COL23A1: variants seen among roughly 807,000 people sequenced by gnomAD.
The protein encoded by COL23A1 is collagen type XXIII alpha 1 chain, also known as collagen alpha-1(XXIII) chain.
Under a neutral mutation model 99.3 loss-of-function variants are expected in COL23A1, and 97 were observed. That is an observed-to-expected ratio of 0.98 (90% CI 0.83 to 1.16). The LOEUF is 1.16. Ranked by LOEUF, COL23A1 falls within the 50% of genes most tolerant of loss-of-function variation. The pLI, the probability that COL23A1 is intolerant of heterozygous loss-of-function variation, is 0.00. For missense variants in COL23A1, 762 were observed against 757.4 expected, an observed-to-expected ratio of 1.01 and a Z score of -0.07; for synonymous variants, 320 against 308.2, an observed-to-expected ratio of 1.04 and a Z score of -0.40.
chr5:178,256,846 G>A lies in COL23A1; in HGVS notation c.837+20C>T. 6.2e-7 allele frequency: 1 copy of A among 1,610,028 alleles called. No homozygotes were observed. The highest frequency in any genetic ancestry group is 8.5e-7 in the Non-Finnish European group (1 of 1,178,146). ...CTGAGCGGGGCCCGCAGGCGCCAGA[G>A]CAGAGAGCTCTCATGTCACCTTCGG... On this transcript the variant is annotated intron_variant, in intron 14 of 28. Coordinates refer to ENST00000390654, the MANE Select transcript of COL23A1 (RefSeq NM_173465.4).
At chr5:178,508,498 C>T (rs1216256282) in intron 2 of COL23A1, among the ~76,000 whole-genome samples, 1 of 152,172 alleles carries the variant, frequency 6.6e-6, no homozygotes, top group Non-Finnish European at 1.5e-5. Flanking sequence ...AGCCAGCTCC[C>T]ATGACACCAC....
At chr5:178,262,081 C>CG (rs1406056406) in intron 10 of COL23A1, 136 bp downstream of exon 10, 3 of 965,696 alleles carry the variant, frequency 3.1e-6, no homozygotes, top group Non-Finnish European at 4.8e-6. Context: ...CATGCAGACA[C>CG]GTACATGCAG....
chr5:178,480,178 T>C (rs1581470725), intron 2 of COL23A1, among the ~76,000 whole-genome samples: 2 of 148,820 alleles, frequency 1.3e-5, no homozygotes, highest in Admixed American at 1.3e-4. Context: ...TTTAAATAGG[T>C]GGAGGAGATA....
At chr5:178,382,381 T>C (rs1763430249) in intron 2 of COL23A1, among the ~76,000 whole-genome samples, 1 of 152,088 alleles carries the variant, frequency 6.6e-6, no homozygotes, top group Non-Finnish European at 1.5e-5. Context: ...TTAATATATA[T>C]GGACAGAAAG....
intron 9 of COL23A1, 83 bp downstream of exon 9, chr5:178,263,119 AGATGGG>A (rs1431424275): frequency 5.3e-6 from 5 of 942,488 alleles, no homozygotes; most frequent in East Asian, 4.8e-5. Flanking sequence ...TCTGCACTAG[AGATGGG>A]GATGGGGATG....
At chr5:178,582,821 G>A (rs548936121) in intron 1 of COL23A1, among the ~76,000 whole-genome samples, 83 of 152,298 alleles carry the variant, frequency 5.4e-4, no homozygotes, top group South Asian at 1.2e-3. Context: ...AACACTCCCC[G>A]TGAGAACATT....
At chr5:178,476,799 T>C (rs1757054000) in intron 2 of COL23A1, among the ~76,000 whole-genome samples, 1 of 152,262 alleles carries the variant, frequency 6.6e-6, no homozygotes, top group South Asian at 2.1e-4. Flanking sequence ...AGGGACCTCC[T>C]AGGTGCAATG....
In COL23A1 at chr5:178,429,226, G is replaced by C. The variant is rs901231775; in HGVS notation, c.362-122307C>G. ...CGGGAAAGGCCGGGACTCATCCAAGGTCACAGGGCAGAGCTGGGGCGCCAC... is the reference window on the plus strand; with the variant it reads ...CGGGAAAGGCCGGGACTCATCCAAGCTCACAGGGCAGAGCTGGGGCGCCAC... On this transcript the variant is annotated intron_variant, in intron 2 of 28. Transcript: ENST00000390654. Among the ~76,000 whole-genome samples, 6 of 152,050 alleles carry C rather than the reference G, an allele frequency of 3.9e-5. No individual in the cohort carries two copies. In the East Asian group the frequency reaches 1.2e-3, roughly 29 times the overall value.
Position 178,308,921 on chromosome 5 carries a change from G to A in COL23A1, c.362-2002C>T, listed in dbSNP as rs1420529487. ...GCACACGCAGCACCATGTTCCTCGG[G>A]CTGTAGGAGGAAGAAGGCCCAGTGG... On this transcript the variant is annotated intron_variant, in intron 2 of 28. Coordinates refer to ENST00000390654, the MANE Select transcript of COL23A1 (RefSeq NM_173465.4). The surrounding 1 kb of genome is among the most constrained non-coding windows in gnomAD (Gnocchi z 5.1). Among the ~76,000 whole-genome samples the A allele has an allele frequency of 6.6e-6, 1 of 152,194 alleles. No individual in the cohort carries two copies. Among genetic ancestry groups the A allele is most frequent in the African/African-American group, 2.4e-5 (1 of 41,450 alleles).
At chr5:178,333,303 G>C (rs547526595) in intron 2 of COL23A1, among the ~76,000 whole-genome samples, 1 of 152,294 alleles carries the variant, frequency 6.6e-6, no homozygotes, top group Admixed American at 6.5e-5. Context: ...GCCCTGGAAG[G>C]TCAGCACCTT....
chr5:178,254,415 G>A (rs576802788), intron 16 of COL23A1, among the ~76,000 whole-genome samples: 88 of 152,334 alleles, frequency 5.8e-4, no homozygotes, highest in African/African-American at 2.1e-3. Context: ...TCCCAGTCTG[G>A]TCTCTGGTGA....
At chr5:178,240,700 C>T (rs182573544) in intron 27 of COL23A1, among the ~76,000 whole-genome samples, 4 of 152,168 alleles carry the variant, frequency 2.6e-5, no homozygotes, top group Non-Finnish European at 4.4e-5. Context: ...CAAAACTGTC[C>T]GAGGGGAGCG....
At chr5:178,518,693 A>C (rs1759752227) in intron 2 of COL23A1, among the ~76,000 whole-genome samples, 1 of 143,234 alleles carries the variant, frequency 7.0e-6, no homozygotes, top group Non-Finnish European at 1.6e-5. Flanking sequence ...CTCACATCCC[A>C]GACGATGGGC....
At position 178,281,488 on chromosome 5, in the gene COL23A1, T is replaced by A. The variant is rs1343726795; in HGVS notation, c.441+6836A>T. The stretch of plus-strand genomic sequence containing the variant: ...CCCAGGACTGAGGCCGGAGATGAAG[T>A]GCAGTCACCGCTCCCTCGACTCCAG... On this transcript the variant is annotated intron_variant, in intron 5 of 28. Coordinates refer to ENST00000390654, the MANE Select transcript of COL23A1 (RefSeq NM_173465.4). The surrounding 1 kb of genome is among the most constrained non-coding windows in gnomAD (Gnocchi z 4.0). Among the ~76,000 whole-genome samples the A allele has an allele frequency of 1.3e-5, 2 of 152,104 alleles. No homozygotes were observed. The highest frequency in any genetic ancestry group is 4.8e-5 in the African/African-American group (2 of 41,438).
At chr5:178,581,771 A>G (rs947276284) in intron 1 of COL23A1, among the ~76,000 whole-genome samples, 2 of 152,066 alleles carry the variant, frequency 1.3e-5, no homozygotes, top group African/African-American at 4.8e-5. Flanking sequence ...GGGATATGCA[A>G]GATTTTCTTG....
chr5:178,296,314 G>A (rs1003545112), intron 3 of COL23A1, among the ~76,000 whole-genome samples: 4 of 152,134 alleles, frequency 2.6e-5, no homozygotes, highest in Non-Finnish European at 4.4e-5. Context: ...CTCGTGCACC[G>A]GCAGCTCCAC....
chr5:178,500,543 A>G (rs903815074), intron 2 of COL23A1, among the ~76,000 whole-genome samples: 3 of 151,400 alleles, frequency 2.0e-5, no homozygotes, highest in Non-Finnish European at 4.4e-5. Context: ...AGTTCGAGGT[A>G]GTAGTGAGCC....
chr5:178,269,806 T>C (rs566653157), intron 6 of COL23A1, among the ~76,000 whole-genome samples: 2 of 151,514 alleles, frequency 1.3e-5, no homozygotes, highest in Admixed American at 6.6e-5. Context: ...CATCCATCCA[T>C]CCATCCATCC....
intron 2 of COL23A1, among the ~76,000 whole-genome samples, chr5:178,363,151 A>G (rs1762265148): frequency 2.0e-5 from 3 of 151,912 alleles, no homozygotes; most frequent in African/African-American, 7.3e-5. Flanking sequence ...AACAGGTGTG[A>G]GCAGTATTTT....
Sources: allele counts gnomAD v4.1 joint callset (sites outside exome capture counted in the v4.1 genomes callset), GRCh38; gene constraint gnomAD v4.1.1; non-coding constraint Gnocchi (gnomAD v3.1); transcripts MANE v1.5; gene names NCBI Gene and HGNC (gene_info 2026-07-23, HGNC 2026-07-21).